TRAF3IP1: variants seen among roughly 807,000 people sequenced by gnomAD.
TRAF3IP1 encodes the protein intraflagellar transport 54.
Under a neutral mutation model 89.9 loss-of-function variants are expected in TRAF3IP1, and 53 were observed. That is an observed-to-expected ratio of 0.59 (90% CI 0.47 to 0.74). TRAF3IP1 has a LOEUF of 0.74. Among genes scored for constraint, TRAF3IP1 ranks in the 30% least tolerant of loss-of-function variants. The probability of loss-of-function intolerance (pLI) is 0.00; values close to 1 mark genes in which losing one functional copy is unlikely to be tolerated. For synonymous variants in TRAF3IP1, 311 were observed against 322.1 expected, an observed-to-expected ratio of 0.97 and a Z score of 0.37; for missense variants, 806 against 866.1, an observed-to-expected ratio of 0.93 and a Z score of 0.87.
intron 15 of TRAF3IP1, among the ~76,000 whole-genome samples, chr2:238,377,230 CTTTTTTTTTTTT>C (rs71402784): frequency 4.8e-4 from 42 of 86,710 alleles, no homozygotes; most frequent in Admixed American, 3.0e-3. Flanking sequence ...TCCTGATTTT[CTTTTTTTTTTTT>C]TTTTTTTTTT....
rs1698485118 is a variant in TRAF3IP1, at chr2:238,338,392, G to A, written c.1094G>A (p.Ser365Asn). ...GRKEDNISAK[S>N]LDSIVSGINN... The stretch of plus-strand genomic sequence containing the variant: ...AAGGAGGATAATATTTCAGCTAAAA[G>A]TTTAGACTCCATAGTGTCTGGAATA... The change falls in exon 8 of 17, where the codon AGT (serine) becomes AAT (asparagine). Residue 365 changes from serine (S) to asparagine (N), a missense_variant. Ser to Asn is a conservative substitution (Grantham distance 46). Coordinates refer to ENST00000373327, the MANE Select transcript of TRAF3IP1 (RefSeq NM_015650.4). 6.3e-7 allele frequency: 1 copy of A among 1,595,918 alleles called. No homozygotes were observed. The highest frequency in any genetic ancestry group is 1.3e-5 in the African/African-American group (1 of 74,248).
At position 238,379,227 on chromosome 2, in the gene TRAF3IP1, G is replaced by A. The variant is rs985697145; in HGVS notation, c.1690-18232G>A. ...CCACCCCATTTAAGTCCCTGCCCAC[G>A]AGTCTCCTCTTCAGAGAGGCCTTTC... On this transcript the variant is annotated intron_variant, in intron 15 of 16. Transcript: ENST00000373327. This position sits in a 1 kb window ranked among gnomAD's most constrained non-coding sequence, Gnocchi z 4.0. 5.3e-5 allele frequency among the ~76,000 whole-genome samples: 8 copies of A among 152,284 alleles called. No homozygotes were observed. The highest frequency in any genetic ancestry group is 3.9e-4 in the East Asian group (2 of 5,172).
intron 3 of TRAF3IP1, among the ~76,000 whole-genome samples, chr2:238,326,992 C>T (rs570299916): frequency 7.2e-5 from 11 of 152,324 alleles, no homozygotes; most frequent in East Asian, 1.9e-4. Flanking sequence ...GCTCCTGTCT[C>T]CTCTGCTGAA....
intron 7 of TRAF3IP1, among the ~76,000 whole-genome samples, chr2:238,334,888 A>G (rs962438027): frequency 6.6e-5 from 10 of 152,204 alleles, no homozygotes; most frequent in Non-Finnish European, 1.2e-4. Flanking sequence ...CGTGCCCTTA[A>G]TGACCCTTCA....
chr2:238,373,817 G>A (rs1393681041), intron 15 of TRAF3IP1, among the ~76,000 whole-genome samples: 2 of 152,110 alleles, frequency 1.3e-5, no homozygotes, highest in Non-Finnish European at 1.5e-5. Context: ...GTTGAGCAGT[G>A]GTTTGTAGTT....
intron 8 of TRAF3IP1, 75 bp downstream of exon 8, chr2:238,338,532 C>T (rs974642396): frequency 1.4e-5 from 12 of 828,018 alleles, no homozygotes; most frequent in Middle Eastern, 3.6e-4. Flanking sequence ...TGTAGTTATA[C>T]ATTGTTAAAA....
intron 8 of TRAF3IP1, among the ~76,000 whole-genome samples, chr2:238,341,187 AT>A (rs11323220): frequency 0.41 from 56,865 of 139,966 alleles, 11,333 homozygotes; most frequent in African/African-American, 0.56. Context: ...TGCCTAGCTA[AT>A]TTTTTTTTTT....
At chr2:238,382,908 C>T (rs145597289) in intron 15 of TRAF3IP1, among the ~76,000 whole-genome samples, 1 of 152,142 alleles carries the variant, frequency 6.6e-6, no homozygotes, top group Non-Finnish European at 1.5e-5. Context: ...TTGGAAGCCA[C>T]GTGTTTTTAT....
intron 15 of TRAF3IP1, among the ~76,000 whole-genome samples, chr2:238,363,068 A>G (rs1280463725): frequency 1.3e-5 from 2 of 152,158 alleles, no homozygotes; most frequent in Admixed American, 6.5e-5. Flanking sequence ...TTTTCTTCCC[A>G]AAATTTTGTG....
intron 15 of TRAF3IP1, among the ~76,000 whole-genome samples, chr2:238,396,919 G>C (rs548721744): frequency 1.3e-5 from 2 of 152,252 alleles, no homozygotes; most frequent in East Asian, 1.9e-4. Flanking sequence ...TGGCTGCCCT[G>C]CACATTCTCC....
chr2:238,347,638 A>ATTTT (rs1292962350), intron 10 of TRAF3IP1, among the ~76,000 whole-genome samples, 163 bp downstream of exon 10: 1 of 151,728 alleles, frequency 6.6e-6, no homozygotes, highest in South Asian at 2.1e-4. Flanking sequence ...TTATTTATTT[A>ATTTT]TTTTTTGAGA....
chr2:238,358,646 C>T (rs996908885), intron 15 of TRAF3IP1, among the ~76,000 whole-genome samples: 3 of 152,158 alleles, frequency 2.0e-5, no homozygotes, highest in Non-Finnish European at 4.4e-5. Flanking sequence ...GGATGTGCCT[C>T]GTGGTGTTTT....
At chr2:238,355,228 C>A (rs1699355792) in intron 14 of TRAF3IP1, among the ~76,000 whole-genome samples, 1 of 152,060 alleles carries the variant, frequency 6.6e-6, no homozygotes, top group Admixed American at 6.5e-5. Context: ...CTTCTCTACC[C>A]TCTACTCTCC....
At position 238,350,982 on chromosome 2, in the gene TRAF3IP1, G is replaced by A. The variant is rs114404940; in HGVS notation, c.1451+1574G>A. On this transcript the variant is annotated intron_variant, in intron 12 of 16. Transcript: ENST00000373327. ...TGAGGGAGGAGCCCTCGGGGTGAAG[G>A]TCAGGAGGAGGCATTAGGATTGAGA... Among the ~76,000 whole-genome samples, 442 of 152,262 alleles carry A rather than the reference G, an allele frequency of 2.9e-3. 2 individuals carry two copies. Among genetic ancestry groups the A allele is most frequent in the African/African-American group, 0.01 (419 of 41,550 alleles).
At chr2:238,335,901 C>T (rs796717547) in intron 7 of TRAF3IP1, among the ~76,000 whole-genome samples, 1 of 151,642 alleles carries the variant, frequency 6.6e-6, no homozygotes, top group African/African-American at 2.4e-5. Flanking sequence ...AGTGATTCTT[C>T]TGCCTCAGCC....
intron 1 of TRAF3IP1, among the ~76,000 whole-genome samples, chr2:238,322,072 G>A (rs1312007741): frequency 6.6e-6 from 1 of 152,236 alleles, no homozygotes; most frequent in Non-Finnish European, 1.5e-5. Context: ...GCCTGTCCTG[G>A]ACAGTGTGTG....
intron 15 of TRAF3IP1, among the ~76,000 whole-genome samples, chr2:238,375,970 G>A (rs753710990): frequency 5.9e-5 from 9 of 152,102 alleles, no homozygotes; most frequent in Non-Finnish European, 1.2e-4. Flanking sequence ...CTGCAATGCT[G>A]TCTCTGCTGA....
intron 15 of TRAF3IP1, among the ~76,000 whole-genome samples, chr2:238,382,378 T>A (rs555073805): frequency 6.6e-6 from 1 of 152,248 alleles, no homozygotes; most frequent in Admixed American, 6.5e-5. Flanking sequence ...CCAAAAAAGC[T>A]GATAAAAGAA....
rs544055786 is a variant in TRAF3IP1, at chr2:238,354,957, T to C, written c.1613-1047T>C. Reference sequence around the variant, plus strand: ...AGCCACCAAGCCCAGCCCAAGGACTTTTTTTTTTTTGGTAGGTATGTCTGC... The same window carrying C: ...AGCCACCAAGCCCAGCCCAAGGACTCTTTTTTTTTTGGTAGGTATGTCTGC... On this transcript the variant is annotated intron_variant, in intron 14 of 16. Coordinates refer to ENST00000373327, the MANE Select transcript of TRAF3IP1 (RefSeq NM_015650.4). Among the ~76,000 whole-genome samples the C allele has an allele frequency of 6.1e-5, 9 of 148,536 alleles. No individual in the cohort carries two copies. In the South Asian group the frequency reaches 1.1e-3, roughly 17 times the overall value.
Sources: allele counts gnomAD v4.1 joint callset (sites outside exome capture counted in the v4.1 genomes callset), GRCh38; gene constraint gnomAD v4.1.1; non-coding constraint Gnocchi (gnomAD v3.1); transcripts MANE v1.5; gene names NCBI Gene and HGNC (gene_info 2026-07-23, HGNC 2026-07-21).